NOS1AP: variants seen among roughly 807,000 people sequenced by gnomAD.
The protein encoded by NOS1AP is nitric oxide synthase 1 adaptor protein, also known as carboxyl-terminal PDZ ligand of neuronal nitric oxide synthase protein.
In NOS1AP, 21 loss-of-function variants were observed where a neutral mutation model predicts 56.2. The observed-to-expected ratio is 0.37, with a 90% CI of 0.26 to 0.54. The LOEUF (loss-of-function observed/expected upper bound fraction) is 0.54. NOS1AP is among the 20% of genes least tolerant of loss of function. The pLI, the probability that NOS1AP is intolerant of heterozygous loss-of-function variation, is 0.84. For missense variants in NOS1AP, 522 were observed against 657.8 expected (o/e 0.79, Z 2.26); for synonymous variants, 270 against 274.6 (o/e 0.98, Z 0.17).
At chr1:162,339,911 A>G (rs372995010) in intron 5 of NOS1AP, among the ~76,000 whole-genome samples, 4 of 152,316 alleles carry the variant, frequency 2.6e-5, no homozygotes, top group East Asian at 1.9e-4. Flanking sequence ...CGAGGTCCCC[A>G]TATAGAATCC....
chr1:162,362,102 G>A (rs1657923586), intron 8 of NOS1AP, among the ~76,000 whole-genome samples: 1 of 152,164 alleles, frequency 6.6e-6, no homozygotes, highest in Non-Finnish European at 1.5e-5. Flanking sequence ...TCCAGCTCCT[G>A]GTCTGGTGCA....
chr1:162,149,945 C>T (rs950297002), intron 1 of NOS1AP, among the ~76,000 whole-genome samples: 2 of 152,132 alleles, frequency 1.3e-5, no homozygotes, highest in Non-Finnish European at 2.9e-5. Flanking sequence ...ATGGGGTATC[C>T]ATCACCTTAA....
intron 2 of NOS1AP, among the ~76,000 whole-genome samples, chr1:162,268,570 G>A (rs901743356): frequency 6.6e-6 from 1 of 152,042 alleles, no homozygotes; most frequent in Non-Finnish European, 1.5e-5. Flanking sequence ...CAAAATCCCA[G>A]GATGTTTGAG....
intron 4 of NOS1AP, among the ~76,000 whole-genome samples, chr1:162,301,967 T>A (rs1041376819): frequency 6.6e-6 from 1 of 152,240 alleles, no homozygotes; most frequent in African/African-American, 2.4e-5. Flanking sequence ...CCAGGTACTG[T>A]GCTAGGTAAT....
At chr1:162,149,923 A>G (rs1649640624) in intron 1 of NOS1AP, among the ~76,000 whole-genome samples, 1 of 152,208 alleles carries the variant, frequency 6.6e-6, no homozygotes, top group Admixed American at 6.5e-5. Flanking sequence ...CATAATAGTC[A>G]CATCAGGGTA....
intron 1 of NOS1AP, among the ~76,000 whole-genome samples, chr1:162,105,474 A>C (rs1479202566): frequency 6.6e-6 from 1 of 152,206 alleles, no homozygotes; most frequent in Non-Finnish European, 1.5e-5. Flanking sequence ...CATTCAGATC[A>C]TTTGTATACT....
At chr1:162,211,851 G>C (rs55749148) in intron 2 of NOS1AP, among the ~76,000 whole-genome samples, 24,103 of 152,144 alleles carry the variant, frequency 0.16, 2,110 homozygotes, top group South Asian at 0.23. Context: ...ATTAGCAGCA[G>C]CTGGCCCTGA....
chr1:162,337,466 T>A (rs1351905390), intron 5 of NOS1AP, among the ~76,000 whole-genome samples: 1 of 152,130 alleles, frequency 6.6e-6, no homozygotes, highest in Non-Finnish European at 1.5e-5. Context: ...AGTTCTAAAG[T>A]TAGGGAAAGA....
chr1:162,351,718 C>T (rs1022503977), intron 6 of NOS1AP, among the ~76,000 whole-genome samples: 1 of 152,184 alleles, frequency 6.6e-6, no homozygotes, highest in Non-Finnish European at 1.5e-5. Flanking sequence ...TTAAGCCTTC[C>T]TTGTCCCTAT....
chr1:162,128,968 G>A (rs920408787), intron 1 of NOS1AP, among the ~76,000 whole-genome samples: 3 of 152,136 alleles, frequency 2.0e-5, no homozygotes, highest in African/African-American at 7.2e-5. Flanking sequence ...CCCAGTTTTA[G>A]GAGATTCTCA....
At chr1:162,095,647 C>T (rs534287877) in intron 1 of NOS1AP, among the ~76,000 whole-genome samples, 5 of 152,262 alleles carry the variant, frequency 3.3e-5, no homozygotes, top group South Asian at 4.2e-4. Context: ...ACTGCCAACA[C>T]GCCTGTATGT....
intron 1 of NOS1AP, among the ~76,000 whole-genome samples, chr1:162,084,882 C>G (rs547266145): frequency 6.6e-4 from 101 of 152,212 alleles, no homozygotes; most frequent in Middle Eastern, 6.8e-3. Context: ...TCAGGCTGGT[C>G]TGGAACTCCT....
chr1:162,266,256 C>T (rs185235045), intron 2 of NOS1AP, among the ~76,000 whole-genome samples: 65 of 152,136 alleles, frequency 4.3e-4, no homozygotes, highest in Admixed American at 1.2e-3. Flanking sequence ...ATTCTGAAAC[C>T]CATGTTCTCA....
intron 2 of NOS1AP, among the ~76,000 whole-genome samples, chr1:162,182,768 T>C (rs775115313): frequency 1.3e-5 from 2 of 152,234 alleles, no homozygotes; most frequent in Non-Finnish European, 2.9e-5. Flanking sequence ...AATTTTATTA[T>C]GAAATTGTAG....
intron 5 of NOS1AP, among the ~76,000 whole-genome samples, chr1:162,337,256 T>G (rs1656970955): frequency 6.6e-6 from 1 of 152,224 alleles, no homozygotes. Flanking sequence ...TGAAATAATT[T>G]TGCCTGCAAT....
Position 162,357,086 on chromosome 1 carries a change from C to T in NOS1AP, c.889C>T (p.Gln297Ter). 2 of 1,611,996 alleles carry T rather than the reference C, an allele frequency of 1.2e-6. No individual in the cohort carries two copies. Among genetic ancestry groups the T allele is most frequent in the Non-Finnish European group, 1.7e-6 (2 of 1,179,910 alleles). The change falls in exon 8 of 10, where the codon CAG becomes TAG. Residue 297 changes from glutamine (Q) to a stop codon, truncating the protein, a stop_gained. Coordinates refer to ENST00000361897, the MANE Select transcript of NOS1AP (RefSeq NM_014697.3). LOFTEE classifies it high-confidence loss of function. Reference sequence around the variant, plus strand: ...CACTCACCACCAGATGCAGCTCCTCCAGCAGCTCCTCCAGCAGCAGCAGCA... The same window carrying T: ...CACTCACCACCAGATGCAGCTCCTCTAGCAGCTCCTCCAGCAGCAGCAGCA... ...LSTHHQMQLLQQLLQQQQQQT... is the reference protein window; with the variant it reads ...LSTHHQMQLL
At chr1:162,155,774 G>T (rs1207296311) in intron 2 of NOS1AP, among the ~76,000 whole-genome samples, 1 of 152,126 alleles carries the variant, frequency 6.6e-6, no homozygotes, top group African/African-American at 2.4e-5. Context: ...CCTTGTACTT[G>T]TGCATTTCAA....
chr1:162,126,927 A>G (rs1006662620), intron 1 of NOS1AP, among the ~76,000 whole-genome samples: 9 of 152,160 alleles, frequency 5.9e-5, no homozygotes, highest in Non-Finnish European at 7.4e-5. Flanking sequence ...TTGTTTCTCT[A>G]TACCATGGCC....
chr1:162,239,367 A>G (rs2091359936), intron 2 of NOS1AP, among the ~76,000 whole-genome samples: 1 of 152,242 alleles, frequency 6.6e-6, no homozygotes, highest in Non-Finnish European at 1.5e-5. Flanking sequence ...AATTCCTAAA[A>G]TTCAGTGGAC....
Sources: allele counts gnomAD v4.1 joint callset (sites outside exome capture counted in the v4.1 genomes callset), GRCh38; gene constraint gnomAD v4.1.1; transcripts MANE v1.5; gene names NCBI Gene and HGNC (gene_info 2026-07-23, HGNC 2026-07-21).